The following ME1 variants were observed in gnomAD, a reference collection of about 807,000 sequenced individuals.
ME1 encodes the protein NADP-dependent malic enzyme.
ME1 carries 74 observed loss-of-function variants against 66.4 expected under a neutral mutation model. The ratio of observed to expected loss-of-function variants is 1.11; its 90% CI spans 0.92 to 1.35. The LOEUF is 1.35. Among genes scored for constraint, ME1 ranks in the 40% most tolerant of loss-of-function variants. ME1 has a pLI of 0.00. For synonymous variants in ME1, 251 were observed against 235.6 expected (o/e 1.07, Z -0.60); for missense variants, 750 against 694.1 (o/e 1.08, Z -0.90).
chr6:83,410,025 T>G (rs999159558), intron 1 of ME1, among the ~76,000 whole-genome samples: 1 of 152,130 alleles, frequency 6.6e-6, no homozygotes, highest in African/African-American at 2.4e-5. Context: ...CAGTTCCAGC[T>G]GGCACCAGGA....
At chr6:83,219,858 G>T (rs1279731493) in intron 12 of ME1, among the ~76,000 whole-genome samples, 2 of 151,640 alleles carry the variant, frequency 1.3e-5, no homozygotes, top group Admixed American at 1.3e-4. Flanking sequence ...AAAGTGTTGG[G>T]ATTACAGACG....
intron 2 of ME1, among the ~76,000 whole-genome samples, chr6:83,404,699 G>C (rs912721319): frequency 6.6e-6 from 1 of 152,156 alleles, no homozygotes; most frequent in Non-Finnish European, 1.5e-5. Flanking sequence ...TGTAAGGAAG[G>C]GGTCCAGTTT....
chr6:83,269,682 G>A (rs1333339157), intron 6 of ME1, among the ~76,000 whole-genome samples: 2 of 152,038 alleles, frequency 1.3e-5, no homozygotes, highest in Non-Finnish European at 2.9e-5. Context: ...AAAGAGATTG[G>A]GAAAGAAGTT....
At chr6:83,423,609 G>A (rs1484386593) in intron 1 of ME1, among the ~76,000 whole-genome samples, 2 of 151,938 alleles carry the variant, frequency 1.3e-5, no homozygotes, top group Non-Finnish European at 2.9e-5. Flanking sequence ...CACTAGATGG[G>A]GTAACATGAT....
chr6:83,235,264 A>G (rs991417972), intron 9 of ME1, among the ~76,000 whole-genome samples: 1 of 152,030 alleles, frequency 6.6e-6, no homozygotes, highest in Non-Finnish European at 1.5e-5. Context: ...ATATGGTTCT[A>G]GTTCTGTAAC....
intron 4 of ME1, among the ~76,000 whole-genome samples, chr6:83,346,981 T>C (rs1266661451): frequency 6.6e-6 from 1 of 151,856 alleles, no homozygotes; most frequent in Non-Finnish European, 1.5e-5. Flanking sequence ...CGAGACGGAG[T>C]CTTGCTCTGT....
chr6:83,428,765 C>T (rs1387181376), intron 1 of ME1, among the ~76,000 whole-genome samples: 1 of 152,094 alleles, frequency 6.6e-6, no homozygotes, highest in East Asian at 1.9e-4. Context: ...TCGATTGCCT[C>T]CAAGTTGGTA....
At chr6:83,339,608 G>T (rs1768533729) in intron 5 of ME1, among the ~76,000 whole-genome samples, 1 of 16,142 alleles carries the variant, frequency 6.2e-5, no homozygotes, top group East Asian at 1.8e-3. Context: ...AAGAAAATGT[G>T]GCACATATAC....
At chr6:83,227,945 CATA>C (rs1340794386) in intron 10 of ME1, among the ~76,000 whole-genome samples, 1 of 152,078 alleles carries the variant, frequency 6.6e-6, no homozygotes. Flanking sequence ...AAGCAATTAG[CATA>C]ATGGAAATGA....
chr6:83,422,839 A>T (rs1770293315), intron 1 of ME1, among the ~76,000 whole-genome samples: 1 of 152,162 alleles, frequency 6.6e-6, no homozygotes, highest in Non-Finnish European at 1.5e-5. Flanking sequence ...TTTTGATACT[A>T]TCATATAGTC....
At chr6:83,428,944 G>A (rs1562012034) in intron 1 of ME1, among the ~76,000 whole-genome samples, 1 of 152,150 alleles carries the variant, frequency 6.6e-6, no homozygotes, top group Admixed American at 6.5e-5. Flanking sequence ...GTAACCTTGT[G>A]AACAGGAGTC....
At chr6:83,317,210 T>G (rs1465578087) in intron 5 of ME1, among the ~76,000 whole-genome samples, 1 of 152,106 alleles carries the variant, frequency 6.6e-6, no homozygotes, top group Admixed American at 6.6e-5. Context: ...TCTTCAAACA[T>G]GAAATTAAGT....
At chr6:83,237,936 T>C in intron 8 of ME1, 106 bp from the exon 9 acceptor site, 1 of 561,924 alleles carries the variant, frequency 1.8e-6, no homozygotes, top group East Asian at 3.0e-5. Flanking sequence ...AATATTTTTG[T>C]CACATTTAGG....
chr6:83,224,636 A>G (rs1184037752), intron 11 of ME1, among the ~76,000 whole-genome samples: 22 of 150,104 alleles, frequency 1.5e-4, no homozygotes, highest in Admixed American at 1.3e-3. Flanking sequence ...GTGAGCCTAG[A>G]TCACACCACT....
intron 7 of ME1, among the ~76,000 whole-genome samples, chr6:83,243,758 T>G (rs1311887471): frequency 7.6e-6 from 1 of 132,224 alleles, no homozygotes; most frequent in African/African-American, 3.0e-5. Flanking sequence ...TATTATATAT[T>G]ATATAATTAT....
At chr6:83,399,805 TGAAAATGCACA>T (rs1425425546) in intron 2 of ME1, among the ~76,000 whole-genome samples, 1 of 152,210 alleles carries the variant, frequency 6.6e-6, no homozygotes, top group Non-Finnish European at 1.5e-5. Flanking sequence ...CTAGAATAGT[TGAAAATGCACA>T]GAATTCTGAG....
At chr6:83,278,392 T>C (rs1030039895) in intron 6 of ME1, among the ~76,000 whole-genome samples, 1 of 152,184 alleles carries the variant, frequency 6.6e-6, no homozygotes, top group Non-Finnish European at 1.5e-5. Flanking sequence ...AAAGTCCCCC[T>C]TGTGCTTCCA....
intron 6 of ME1, among the ~76,000 whole-genome samples, chr6:83,314,801 A>G (rs1767998608): frequency 6.6e-6 from 1 of 152,206 alleles, no homozygotes; most frequent in Non-Finnish European, 1.5e-5. Context: ...TGCATGGATC[A>G]TGATGGAATG....
Position 83,398,349 on chromosome 6 carries a change from A to G in ME1, c.362+18T>C. On this transcript the variant is annotated intron_variant, in intron 3 of 13. Coordinates refer to ENST00000369705, the MANE Select transcript of ME1 (RefSeq NM_002395.6). ...TAAATAAAGACACAAGTTGCATATA[A>G]AATAAAAGTTGACATACCTTGGCTT... is the stretch of plus-strand genomic sequence containing the variant. The G allele has an allele frequency of 6.5e-7, 1 of 1,542,000 alleles. No individual in the cohort carries two copies. The highest frequency in any genetic ancestry group is 8.7e-7 in the Non-Finnish European group (1 of 1,147,636).
Sources: allele counts gnomAD v4.1 joint callset (sites outside exome capture counted in the v4.1 genomes callset), GRCh38; gene constraint gnomAD v4.1.1; transcripts MANE v1.5; gene names NCBI Gene and HGNC (gene_info 2026-07-23, HGNC 2026-07-21).